The following GRIA3 variants were observed in gnomAD, a reference collection of about 807,000 sequenced individuals.
GRIA3 encodes the protein glutamate ionotropic receptor AMPA type subunit 3.
GRIA3 carries 3 observed loss-of-function variants against 63.0 expected under a neutral mutation model. The ratio of observed to expected loss-of-function variants is 0.05; its 90% CI spans 0.02 to 0.12. The LOEUF (loss-of-function observed/expected upper bound fraction) is 0.12. Among genes scored for constraint, GRIA3 ranks in the 10% least tolerant of loss-of-function variants. GRIA3 has a pLI of 1.00. For missense variants in GRIA3, 347 were observed against 700.9 expected (o/e 0.50, Z 5.70); for synonymous variants, 274 against 257.9 (o/e 1.06, Z -0.60).
intron 4 of GRIA3, among the ~76,000 whole-genome samples, chrX:123,339,631 T>C (rs1257663375): frequency 4.5e-5 from 5 of 111,792 alleles, no homozygotes; most frequent in Admixed American, 9.5e-5. Context: ...CTCCTCAGGA[T>C]TGGTTGAACT....
At chrX:123,244,109 T>A (rs1242880633) in intron 2 of GRIA3, among the ~76,000 whole-genome samples, 1 of 112,675 alleles carries the variant, frequency 8.9e-6, no homozygotes, top group Admixed American at 9.3e-5. Context: ...TGCCATGTAA[T>A]TGCAAAAATA....
In GRIA3 at chrX:123,307,848, T is replaced by C. The variant is rs776167076; in HGVS notation, c.509-18178T>C. ...GATAGGAAAGGCAACGGACAACAGG[T>C]TAATAGATGAGATTGTGCTGCTCAT... On this transcript the variant is annotated intron_variant, in intron 3 of 15. Transcript: ENST00000620443. Among the ~76,000 whole-genome samples the C allele has an allele frequency of 3.6e-5, 4 of 111,343 alleles. No homozygotes were observed. In the East Asian group the frequency reaches 1.1e-3, roughly 32 times the overall value.
chrX:123,311,627 C>T (rs1043437022), intron 3 of GRIA3, among the ~76,000 whole-genome samples: 1 of 111,876 alleles, frequency 8.9e-6, no homozygotes. Context: ...ATAAAACCTG[C>T]CCAGTCTAGG....
rs988388295 is a variant in GRIA3, at chrX:123,184,470, T to C, written c.-66T>C. 14 of 843,722 alleles carry C rather than the reference T, an allele frequency of 1.7e-5. No individual in the cohort carries two copies. The Admixed American group carries it at 2.9e-4, about 17-fold the overall frequency. 69.5% of individuals were successfully genotyped at this position (843,722 alleles called of 1,213,427 possible). A position where few individuals can be genotyped will look rare whatever the true frequency, so the allele number is the denominator to read the frequency against. ...AGAGCCAGCGAATTCTTTTTCTTTT[T>C]CTATTATTATTTTGACGACTCCTGA... On this transcript the variant is annotated 5_prime_UTR_variant, in exon 1 of 16. Transcript: ENST00000620443.
intron 13 of GRIA3, among the ~76,000 whole-genome samples, chrX:123,476,266 C>T (rs1019371000): frequency 9.0e-6 from 1 of 111,492 alleles, no homozygotes; most frequent in African/African-American, 3.3e-5. Context: ...AGACAGAAAA[C>T]ATTGAAGAGC....
At chrX:123,223,141 G>A (rs750508088) in intron 2 of GRIA3, among the ~76,000 whole-genome samples, 18 of 112,710 alleles carry the variant, frequency 1.6e-4, no homozygotes, top group Non-Finnish European at 2.2e-4. Context: ...GAAGGAATCC[G>A]TAAGGACAAT....
intron 12 of GRIA3, among the ~76,000 whole-genome samples, chrX:123,451,345 A>T (rs2045729304): frequency 9.4e-6 from 1 of 106,722 alleles, no homozygotes; most frequent in Admixed American, 1.0e-4. Flanking sequence ...CTACAAAGAA[A>T]TTTTTAAAAA....
chrX:123,389,911 T>C (rs561653177), intron 5 of GRIA3, among the ~76,000 whole-genome samples: 1 of 111,198 alleles, frequency 9.0e-6, no homozygotes, highest in South Asian at 3.8e-4. Context: ...TTTCACCATG[T>C]TAGCCAGGAT....
chrX:123,366,045 C>T (rs989205728), intron 5 of GRIA3, among the ~76,000 whole-genome samples: 1 of 111,671 alleles, frequency 9.0e-6, no homozygotes, highest in Admixed American at 9.5e-5. Flanking sequence ...GACATTGCCA[C>T]GGCATTTGTA....
chrX:123,447,559 AC>A (rs1396557203), intron 12 of GRIA3, among the ~76,000 whole-genome samples: 3 of 112,185 alleles, frequency 2.7e-5, no homozygotes. Context: ...TGAATATAAA[AC>A]AACCTAGTTT....
At chrX:123,246,851 A>G (rs2044362049) in intron 2 of GRIA3, among the ~76,000 whole-genome samples, 1 of 102,659 alleles carries the variant, frequency 9.7e-6, no homozygotes, top group Non-Finnish European at 2.0e-5. Flanking sequence ...TAAAGAGTAG[A>G]AATTATATAG....
At chrX:123,456,952 C>T (rs913055826) in intron 12 of GRIA3, among the ~76,000 whole-genome samples, 1 of 110,493 alleles carries the variant, frequency 9.1e-6, no homozygotes, top group Admixed American at 9.6e-5. Flanking sequence ...TTACAGAGGA[C>T]GCTAAATAAT....
At chrX:123,348,495 C>CA (rs1240360478) in intron 4 of GRIA3, among the ~76,000 whole-genome samples, 1 of 110,930 alleles carries the variant, frequency 9.0e-6, no homozygotes, top group East Asian at 2.8e-4. Flanking sequence ...TTCTGCCTTC[C>CA]AAAAAAAATC....
rs747210387 is a variant in GRIA3 at position 123,291,331 on chromosome X, G to T, written c.509-34695G>T. On this transcript the variant is annotated intron_variant, in intron 3 of 15. Transcript: ENST00000620443. ...TCTGTGCTTTAAATAAGTAGTAAAA[G>T]CCTTCAAGCAGGTAGTTGTAGGCAT... Among the ~76,000 whole-genome samples, 3 of 111,310 alleles carry T rather than the reference G, an allele frequency of 2.7e-5. No homozygotes were observed. The South Asian group carries it at 1.1e-3, about 42-fold the overall frequency.
At chrX:123,416,212 T>C in intron 10 of GRIA3, among the ~76,000 whole-genome samples, 1 of 112,220 alleles carries the variant, frequency 8.9e-6, no homozygotes, top group Non-Finnish European at 1.9e-5. Context: ...TTCAACTAAT[T>C]AAGGAGTATT....
intron 15 of GRIA3, among the ~76,000 whole-genome samples, chrX:123,485,615 T>C (rs780570460): frequency 8.1e-5 from 9 of 111,644 alleles, no homozygotes; most frequent in Non-Finnish European, 1.3e-4. Context: ...CAAGCCTCCA[T>C]ATGCCCCATT....
chrX:123,338,792 C>T lies in GRIA3; in HGVS notation c.696+12579C>T, dbSNP rs1416669254. 9.8e-5 allele frequency among the ~76,000 whole-genome samples: 11 copies of T among 111,914 alleles called. 1 individual carries two copies. Among genetic ancestry groups the T allele is most frequent in the Non-Finnish European group, 1.9e-4 (10 of 53,166 alleles). On this transcript the variant is annotated intron_variant, in intron 4 of 15. Coordinates refer to ENST00000620443, the MANE Select transcript of GRIA3 (RefSeq NM_007325.5). ...GTGTCGAACTCCTGACCTCGTGATCCGCCTGCCTCGGCCTCCCAAAGTGCT... is the reference window on the plus strand; with the variant it reads ...GTGTCGAACTCCTGACCTCGTGATCTGCCTGCCTCGGCCTCCCAAAGTGCT...
chrX:123,431,425 G>A (rs1008424044), intron 12 of GRIA3, among the ~76,000 whole-genome samples: 1 of 111,951 alleles, frequency 8.9e-6, no homozygotes, highest in Admixed American at 9.4e-5. Context: ...GTTCCGTCAG[G>A]AAAGGCAGGG....
intron 4 of GRIA3, among the ~76,000 whole-genome samples, chrX:123,342,673 G>A (rs932318360): frequency 4.0e-4 from 45 of 111,836 alleles, no homozygotes; most frequent in African/African-American, 1.4e-3. Flanking sequence ...TGCAGCTTGT[G>A]ATTAAACAAT....
Sources: allele counts gnomAD v4.1 joint callset (sites outside exome capture counted in the v4.1 genomes callset), GRCh38; gene constraint gnomAD v4.1.1; transcripts MANE v1.5; gene names NCBI Gene and HGNC (gene_info 2026-07-23, HGNC 2026-07-21).